TRUB1: variants seen among roughly 807,000 people sequenced by gnomAD.
TRUB1 encodes the protein pseudouridylate synthase TRUB1.
A neutral mutation model predicts 33.9 loss-of-function variants in TRUB1; 23 were observed. The ratio of observed to expected loss-of-function variants is 0.68; its 90% CI spans 0.49 to 0.96. The LOEUF is 0.96. TRUB1 is among the 40% of genes least tolerant of loss of function. TRUB1 has a pLI of 0.00. For synonymous variants in TRUB1, 163 were observed against 165.4 expected (o/e 0.99, Z 0.11); for missense variants, 378 against 422.2 (o/e 0.90, Z 0.92).
intron 4 of TRUB1, among the ~76,000 whole-genome samples, chr10:114,964,144 A>G (rs544169546): frequency 1.3e-5 from 2 of 152,304 alleles, no homozygotes; most frequent in African/African-American, 2.4e-5. Context: ...CTTGCCCCAC[A>G]TACTTAGCTA....
chr10:114,974,429 A>G (rs1302077081), intron 7 of TRUB1, 44 bp downstream of exon 7: 2 of 1,513,246 alleles, frequency 1.3e-6, no homozygotes, highest in African/African-American at 2.8e-5. Flanking sequence ...AGAGAATAAT[A>G]CTCCTTTTCA....
intron 4 of TRUB1, among the ~76,000 whole-genome samples, chr10:114,968,730 T>A (rs1164313939): frequency 6.6e-6 from 1 of 152,200 alleles, no homozygotes; most frequent in Non-Finnish European, 1.5e-5. Context: ...TTTGTTTGTG[T>A]TTAGCTTTTA....
chr10:114,974,470 T>G, intron 7 of TRUB1, 85 bp downstream of exon 7: 1 of 1,195,118 alleles, frequency 8.4e-7, no homozygotes, highest in Non-Finnish European at 1.2e-6. Context: ...GTTTTTCTTA[T>G]TTCTGAGTAC....
intron 2 of TRUB1, 37 bp from the exon 3 acceptor site, chr10:114,951,056 GA>G (rs771671837): frequency 1.9e-6 from 3 of 1,573,372 alleles, no homozygotes; most frequent in Non-Finnish European, 2.6e-6. Context: ...CTAGTTTTCA[GA>G]ACAGAGTGTC....
chr10:114,942,574 T>G, intron 1 of TRUB1, 71 bp from the exon 2 acceptor site: 1 of 1,051,160 alleles, frequency 9.5e-7, no homozygotes, highest in Admixed American at 1.9e-5. Context: ...CCCCTTTTCC[T>G]CCCAAGTTTA....
intron 1 of TRUB1, among the ~76,000 whole-genome samples, chr10:114,939,344 A>T (rs2084174582): frequency 6.6e-6 from 1 of 152,178 alleles, no homozygotes; most frequent in Admixed American, 6.5e-5. Context: ...GCCTATAGAG[A>T]CTTGAAGATG....
At chr10:114,973,698 T>C (rs1223376945) in intron 6 of TRUB1, among the ~76,000 whole-genome samples, 4 of 152,206 alleles carry the variant, frequency 2.6e-5, no homozygotes, top group Admixed American at 2.6e-4. Context: ...AGAAGATATT[T>C]AGATTTACAT....
chr10:114,951,005 G>C lies in TRUB1; in HGVS notation c.386-89G>C, dbSNP rs2084232726. 6 of 1,120,680 alleles carry C rather than the reference G, an allele frequency of 5.4e-6. No homozygotes were observed. In the Admixed American group the frequency reaches 9.1e-5, roughly 17 times the overall value. The allele number at this position is 1,120,680 out of a possible 1,614,324, so 69.4% of individuals were successfully genotyped here. On this transcript the variant is annotated intron_variant, in intron 2 of 7. Transcript: ENST00000298746. ...TTCTTTCCCACTTCACATTACCTAAGCTGGGAAATTATGACCAAAAAATAT... is the reference window on the plus strand; with the variant it reads ...TTCTTTCCCACTTCACATTACCTAACCTGGGAAATTATGACCAAAAAATAT...
chr10:114,972,656 T>G (rs2084342882), intron 6 of TRUB1, among the ~76,000 whole-genome samples: 2 of 152,182 alleles, frequency 1.3e-5, no homozygotes, highest in East Asian at 1.9e-4. Flanking sequence ...ACCTAATACA[T>G]TCCGTTTTAG....
intron 3 of TRUB1, among the ~76,000 whole-genome samples, chr10:114,958,060 A>G (rs2084269117): frequency 6.6e-6 from 1 of 152,178 alleles, no homozygotes; most frequent in Non-Finnish European, 1.5e-5. Context: ...ATGAGGCATT[A>G]TTGTTTTCCA....
At chr10:114,948,986 C>T (rs1484192334) in intron 2 of TRUB1, among the ~76,000 whole-genome samples, 1 of 152,250 alleles carries the variant, frequency 6.6e-6, no homozygotes, top group Non-Finnish European at 1.5e-5. Flanking sequence ...TTGAATGAAG[C>T]ATTCTCCGGC....
At chr10:114,955,726 C>G (rs2084259015) in intron 3 of TRUB1, among the ~76,000 whole-genome samples, 1 of 152,186 alleles carries the variant, frequency 6.6e-6, no homozygotes, top group South Asian at 2.1e-4. Context: ...ACTTAGCCAA[C>G]TCTTGAAGAT....
At chr10:114,958,855 C>T (rs2084272951) in intron 3 of TRUB1, among the ~76,000 whole-genome samples, 1 of 152,146 alleles carries the variant, frequency 6.6e-6, no homozygotes, top group South Asian at 2.1e-4. Flanking sequence ...CATGGCCGGG[C>T]GTGGTGGCTC....
chr10:114,963,811 G>C (rs1464241224), intron 4 of TRUB1, among the ~76,000 whole-genome samples: 1 of 152,080 alleles, frequency 6.6e-6, no homozygotes, highest in Non-Finnish European at 1.5e-5. Flanking sequence ...CTTTTTTGTT[G>C]CTATGTAGTA....
Position 114,975,337 on chromosome 10 carries a change from A to G in TRUB1, c.1008A>G (p.Leu336=). 2 of 1,605,510 alleles carry G rather than the reference A, an allele frequency of 1.2e-6. No individual in the cohort carries two copies. Among genetic ancestry groups the G allele is most frequent in the Non-Finnish European group, 8.5e-7 (1 of 1,175,288 alleles). Residue 336 remains leucine (L), a synonymous_variant, in exon 8 of 8, where the codon CTA becomes CTG. Coordinates refer to ENST00000298746, the MANE Select transcript of TRUB1 (RefSeq NM_139169.5). The part of the protein sequence containing the change: ...EQVLSCEYIT[L]NEPKREDDVI... The stretch of plus-strand genomic sequence containing the variant: ...TTTTGAGCTGTGAATATATAACTCT[A>G]AATGAGCCAAAGAGAGAAGATGATG...
intron 4 of TRUB1, 108 bp from the exon 5 acceptor site, chr10:114,970,260 A>T: frequency 1.3e-6 from 1 of 749,074 alleles, no homozygotes; most frequent in East Asian, 2.5e-5. Flanking sequence ...ACTGTAATAT[A>T]TGCTTTTGGA....
At chr10:114,968,309 A>C (rs2084319629) in intron 4 of TRUB1, among the ~76,000 whole-genome samples, 1 of 152,184 alleles carries the variant, frequency 6.6e-6, no homozygotes, top group Admixed American at 6.5e-5. Flanking sequence ...AAGCAGCATA[A>C]AGGAGAACAC....
At position 114,938,248 on chromosome 10, in the gene TRUB1, A is replaced by G. The variant is rs750579371; in HGVS notation, c.-6A>G. ...CCACGATGAAACAGGTCTGGGCTAC[A>G]AAAGTATGGCCGCTTCTGAGGCGGC... On this transcript the variant is annotated 5_prime_UTR_variant, in exon 1 of 8. Coordinates refer to ENST00000298746, the MANE Select transcript of TRUB1 (RefSeq NM_139169.5). 15 of 1,613,646 alleles carry G rather than the reference A, an allele frequency of 9.3e-6. No individual in the cohort carries two copies. In the East Asian group the frequency reaches 2.2e-4, roughly 24 times the overall value.
At chr10:114,949,230 T>G (rs2084223712) in intron 2 of TRUB1, among the ~76,000 whole-genome samples, 1 of 152,228 alleles carries the variant, frequency 6.6e-6, no homozygotes, top group East Asian at 1.9e-4. Flanking sequence ...ATTGGAAGTA[T>G]TCCTCTTGGG....
Sources: gnomAD v4.1 joint callset for allele counts (sites outside exome capture counted in the v4.1 genomes callset) on GRCh38, gnomAD v4.1.1 for gene constraint, MANE v1.5 for transcripts, NCBI Gene and HGNC (gene_info 2026-07-23, HGNC 2026-07-21) for gene names.